The following WASHC5 variants were observed in gnomAD, a reference collection of about 807,000 sequenced individuals.
The protein encoded by WASHC5 is WASH complex subunit strumpellin.
Under a neutral mutation model 150.4 loss-of-function variants are expected in WASHC5, and 101 were observed. The observed-to-expected ratio is 0.67, with a 90% CI of 0.57 to 0.79. WASHC5 has a LOEUF of 0.79. WASHC5 is among the 30% of genes least tolerant of loss of function. The pLI is 0.00. For missense variants in WASHC5, 1,195 were observed against 1,396.3 expected (o/e 0.86, Z 2.30); for synonymous variants, 467 against 491.2 (o/e 0.95, Z 0.65).
intron 11 of WASHC5, among the ~76,000 whole-genome samples, chr8:125,062,760 T>C (rs1816635621): frequency 6.6e-6 from 1 of 152,150 alleles, no homozygotes; most frequent in Admixed American, 6.5e-5. Context: ...TACTAAGCAA[T>C]TCTACAGTAT....
chr8:125,059,288 G>A lies in WASHC5; in HGVS notation c.1698C>T (p.Ser566=). The A allele has an allele frequency of 6.2e-7, 1 of 1,613,896 alleles. No homozygotes were observed. The highest frequency in any genetic ancestry group is 8.5e-7 in the Non-Finnish European group (1 of 1,179,830). The change falls in exon 14 of 29, where the codon TCC becomes TCT. Residue 566 remains serine (S), a synonymous_variant. Transcript: ENST00000318410. The stretch of plus-strand genomic sequence containing the variant: ...TTACCCTTATGCTTTCTTGCATGAT[G>A]GATGTGAAACTGTAAAAAGAAAAGA... ...FAWQLIDSFT[S]IMQESIRVNP...
In WASHC5 at chr8:125,049,089, C is replaced by T. The variant is rs1390296715; in HGVS notation, c.2296G>A (p.Gly766Ser). 1.9e-6 allele frequency: 3 copies of T among 1,613,834 alleles called. No individual in the cohort carries two copies. Among genetic ancestry groups the T allele is most frequent in the Non-Finnish European group, 2.5e-6 (3 of 1,179,916 alleles). ...EYIQDYVNIY[G>S]LKIWQEEVSR... ...ACTTCTTCCTGCCAAATCTTCAGAC[C>T]ATAAATGTTGACATAGTCCTGTATG... is the stretch of plus-strand genomic sequence containing the variant. Residue 766 changes from glycine (G) to serine (S), a missense_variant, in exon 19 of 29, where the codon GGT (glycine) becomes AGT (serine). Transcript: ENST00000318410.
chr8:125,025,517 A>G (rs1334501919), intron 28 of WASHC5, among the ~76,000 whole-genome samples: 1 of 152,070 alleles, frequency 6.6e-6, no homozygotes, highest in East Asian at 1.9e-4. Flanking sequence ...GAGAAATCCC[A>G]TCTCTACTGA....
intron 25 of WASHC5, among the ~76,000 whole-genome samples, chr8:125,038,236 C>T (rs1048410875): frequency 6.6e-6 from 1 of 152,150 alleles, no homozygotes; most frequent in Non-Finnish European, 1.5e-5. Flanking sequence ...AATATAGGGG[C>T]TGGCGTAATG....
intron 5 of WASHC5, among the ~76,000 whole-genome samples, 182 bp from the exon 6 acceptor site, chr8:125,079,112 G>GTATATATATATATA (rs1375247588): frequency 1.0e-4 from 5 of 48,406 alleles, no homozygotes; most frequent in African/African-American, 2.8e-4. Flanking sequence ...ATGTGTGTGT[G>GTATATATATATATA]TGTGTATATA....
At chr8:125,056,242 C>T (rs544987469) in intron 16 of WASHC5, among the ~76,000 whole-genome samples, 2 of 152,244 alleles carry the variant, frequency 1.3e-5, no homozygotes, top group African/African-American at 4.8e-5. Flanking sequence ...ACCAGAGGTG[C>T]TTGGGGAGAA....
chr8:125,056,917 T>C, intron 15 of WASHC5, 100 bp from the exon 16 acceptor site: 3 of 1,409,194 alleles, frequency 2.1e-6, no homozygotes, highest in Non-Finnish European at 3.0e-6. Context: ...AGGGGGATGC[T>C]GAAAAATGTA....
intron 20 of WASHC5, 140 bp from the exon 21 acceptor site, chr8:125,044,838 G>T: frequency 1.2e-6 from 1 of 866,788 alleles, no homozygotes; most frequent in Non-Finnish European, 1.9e-6. Context: ...CTGTATTCAG[G>T]CACCCAATGC....
intron 5 of WASHC5, among the ~76,000 whole-genome samples, 176 bp from the exon 6 acceptor site, chr8:125,079,106 G>A (rs1213858659): frequency 0.055 from 2,681 of 48,548 alleles, 104 homozygotes; most frequent in African/African-American, 0.18. Flanking sequence ...ATATATATGT[G>A]TGTGTGTGTG....
Position 125,050,643 on chromosome 8 carries a change from T to G in WASHC5, c.2120A>C (p.Glu707Ala), listed in dbSNP as rs748085274. The G allele has an allele frequency of 1.2e-5, 20 of 1,614,092 alleles. No homozygotes were observed. Among genetic ancestry groups the G allele is most frequent in the Admixed American group, 1.7e-5 (1 of 60,026 alleles). Residue 707 changes from glutamate (E) to alanine (A), a missense_variant, in exon 18 of 29, where the codon GAA (glutamate) becomes GCA (alanine). Glu to Ala is a moderately radical substitution (Grantham distance 107). This residue lies in a region of WASHC5 where 997 missense variants were observed against 1,168.1 expected (regional missense o/e 0.85). Transcript: ENST00000318410. ...IIKVDPKQLLEDGIRKELVKR... is the reference protein window; with the variant it reads ...IIKVDPKQLLADGIRKELVKR... The stretch of plus-strand genomic sequence containing the variant: ...CACAAGCTCTTTCCTTATTCCATCT[T>G]CCAGCAACTGCTTTGGATCCACCTA...
intron 20 of WASHC5, among the ~76,000 whole-genome samples, chr8:125,046,664 G>T (rs1438677902): frequency 1.3e-5 from 2 of 152,136 alleles, no homozygotes; most frequent in African/African-American, 2.4e-5. Context: ...GCTGTAAATG[G>T]GTTAATGACT....
rs531094216 is a variant in WASHC5, at chr8:125,059,489, G to A, written c.1575C>T (p.Ala525=). 39 of 1,613,484 alleles carry A rather than the reference G, an allele frequency of 2.4e-5. No individual in the cohort carries two copies. Among genetic ancestry groups the A allele is most frequent in the South Asian group, 5.5e-5 (5 of 91,050 alleles). The change falls in exon 13 of 29, where the codon GCC becomes GCT. Residue 525 remains alanine, a synonymous_variant. Transcript: ENST00000318410. The part of the protein sequence containing the change: ...ESNLQVCQFL[A]DTRKFLHQMI... Reference sequence around the variant, plus strand: ...TTTGATGAAGAAACTTTCGAGTATCGGCAAGAAACTGACATACTTGCAGAT... The same window carrying A: ...TTTGATGAAGAAACTTTCGAGTATCAGCAAGAAACTGACATACTTGCAGAT...
rs1816952902 is a variant in WASHC5, at chr8:125,073,199, GTC to G, written c.1102_1103del (p.Asp368LeufsTer18). The G allele has an allele frequency of 3.1e-6, 5 of 1,614,158 alleles. No individual in the cohort carries two copies. Among genetic ancestry groups the G allele is most frequent in the African/African-American group, 1.3e-5 (1 of 75,058 alleles). Reference sequence around the variant, plus strand: ...TCAGCCATCGGATGGCAACATTGCAGTCTCTCAGGCAGTTCAGAAGCTTTGGG... The same window carrying G: ...TCAGCCATCGGATGGCAACATTGCAGTCTCAGGCAGTTCAGAAGCTTTGGG... ...NIPKLLNCLR[D>X]CNVAIRWLML... On this transcript the variant is annotated frameshift_variant, in exon 9 of 29. Transcript: ENST00000318410. LOFTEE classifies it high-confidence loss of function.
At chr8:125,030,464 G>A (rs953744695) in intron 27 of WASHC5, among the ~76,000 whole-genome samples, 1 of 151,996 alleles carries the variant, frequency 6.6e-6, no homozygotes, top group African/African-American at 2.4e-5. Context: ...TTAACTAAGA[G>A]GAGGAGGAGC....
chr8:125,088,694 C>T (rs939821904), intron 1 of WASHC5, among the ~76,000 whole-genome samples: 24 of 152,218 alleles, frequency 1.6e-4, no homozygotes, highest in Non-Finnish European at 1.5e-4. Flanking sequence ...ACCATAGCTC[C>T]TTGTTCCCAG....
chr8:125,086,058 A>T (rs994316242), intron 1 of WASHC5, among the ~76,000 whole-genome samples: 5 of 152,100 alleles, frequency 3.3e-5, no homozygotes, highest in Admixed American at 6.6e-5. Flanking sequence ...CCCATACAGC[A>T]CCTTAAGTGA....
At chr8:125,043,779 T>C in intron 23 of WASHC5, 46 bp downstream of exon 23, 1 of 1,373,072 alleles carries the variant, frequency 7.3e-7, no homozygotes, top group Non-Finnish European at 1.0e-6. Context: ...AATAAAAAAT[T>C]TAAAAATGTA....
chr8:125,025,833 GACAC>G (rs34050035), intron 28 of WASHC5, among the ~76,000 whole-genome samples: 23 of 148,024 alleles, frequency 1.6e-4, no homozygotes, highest in Non-Finnish European at 2.4e-4. Context: ...TATGCAGACA[GACAC>G]ACACACACAC....
intron 10 of WASHC5, 61 bp from the exon 11 acceptor site, chr8:125,063,712 T>G: frequency 2.0e-6 from 3 of 1,512,644 alleles, no homozygotes; most frequent in Non-Finnish European, 2.7e-6. Flanking sequence ...AGGCAGCTTA[T>G]GAAGAGAGCT....
Sources: gnomAD v4.1 joint callset for allele counts (sites outside exome capture counted in the v4.1 genomes callset) on GRCh38, gnomAD v4.1.1 for gene constraint, gnomAD v4.1.1 regional missense constraint, MANE v1.5 for transcripts, NCBI Gene and HGNC (gene_info 2026-07-23, HGNC 2026-07-21) for gene names.